PID1: variants seen among roughly 807,000 people sequenced by gnomAD.
PID1 encodes the protein phosphotyrosine interaction domain containing 1.
A neutral mutation model predicts 19.1 loss-of-function variants in PID1; 10 were observed. That is an observed-to-expected ratio of 0.52 (90% CI 0.32 to 0.89). The LOEUF is 0.89. Ranked by LOEUF, PID1 falls within the 40% of genes least tolerant of loss-of-function variation. The pLI is 0.03. For missense variants in PID1, 248 were observed against 285.3 expected (o/e 0.87, Z 0.94); for synonymous variants, 130 against 116.0 (o/e 1.12, Z -0.78).
chr2:229,263,169 T>C (rs1245244510), intron 1 of PID1, among the ~76,000 whole-genome samples: 1 of 152,212 alleles, frequency 6.6e-6, no homozygotes, highest in East Asian at 1.9e-4. Context: ...CCAATTCACA[T>C]ATGGGCATAA....
intron 2 of PID1, among the ~76,000 whole-genome samples, chr2:229,140,888 CT>C (rs1011588868): frequency 6.6e-6 from 1 of 151,788 alleles, no homozygotes; most frequent in Non-Finnish European, 1.5e-5. Context: ...AGTAGTGTTT[CT>C]TTTGTTTAAA....
intron 2 of PID1, among the ~76,000 whole-genome samples, chr2:229,049,411 A>G (rs552004647): frequency 2.6e-4 from 40 of 152,240 alleles, no homozygotes; most frequent in Non-Finnish European, 4.4e-4. Flanking sequence ...ACCACACTCC[A>G]TTGGCCAGAA....
intron 1 of PID1, among the ~76,000 whole-genome samples, chr2:229,212,293 C>T (rs578100016): frequency 6.6e-6 from 1 of 152,322 alleles, no homozygotes; most frequent in African/African-American, 2.4e-5. Flanking sequence ...TTTCAAAGAA[C>T]AACTTTTTGA....
intron 2 of PID1, among the ~76,000 whole-genome samples, chr2:229,049,695 G>T (rs1693952192): frequency 6.6e-6 from 1 of 152,150 alleles, no homozygotes; most frequent in South Asian, 2.1e-4. Flanking sequence ...GAAATCTAGA[G>T]GTTAACCTCT....
rs139694345 is a variant in PID1, at chr2:229,210,249, G to A, written c.31-54285C>T. ...AAGGCAAGGCCGGGCATGGCGGCTC[G>A]CGCCTGTAATCCCAGCACTTTGGGA... On this transcript the variant is annotated intron_variant, in intron 1 of 2. Coordinates refer to ENST00000392055, the MANE Select transcript of PID1 (RefSeq NM_001100818.2). Among the ~76,000 whole-genome samples, 174 of 151,796 alleles carry A rather than the reference G, an allele frequency of 1.1e-3. 2 individuals carry two copies. Among genetic ancestry groups the A allele is most frequent in the Admixed American group, 7.3e-3 (112 of 15,268 alleles).
intron 2 of PID1, among the ~76,000 whole-genome samples, chr2:229,148,533 G>C (rs983445367): frequency 6.6e-6 from 1 of 152,066 alleles, no homozygotes; most frequent in African/African-American, 2.4e-5. Context: ...AGATTCCTCC[G>C]GTTTTCAAAA....
intron 2 of PID1, among the ~76,000 whole-genome samples, chr2:229,139,031 GAAAGAAAGAGAAAGAAAGAAAGAA>G: frequency 1.5e-5 from 1 of 68,764 alleles, no homozygotes; most frequent in South Asian, 4.8e-4. Flanking sequence ...AAGAAAGAAA[GAAAGAAAGAGAAAGAAAGAAAGAA>G]AGAGAAAGAA....
chr2:229,239,504 G>A (rs1003140441), intron 1 of PID1, among the ~76,000 whole-genome samples: 3 of 152,014 alleles, frequency 2.0e-5, no homozygotes, highest in Non-Finnish European at 2.9e-5. Flanking sequence ...CCTCAATGTT[G>A]GCTATGTAGA....
At chr2:229,116,067 CA>C (rs902540465) in intron 2 of PID1, among the ~76,000 whole-genome samples, 6 of 148,458 alleles carry the variant, frequency 4.0e-5, no homozygotes, top group Admixed American at 6.7e-5. Flanking sequence ...ACTAAAAATA[CA>C]AAAAAAAAAT....
At chr2:229,086,910 TACAC>T (rs3083831) in intron 2 of PID1, among the ~76,000 whole-genome samples, 53 of 150,156 alleles carry the variant, frequency 3.5e-4, no homozygotes, top group East Asian at 1.4e-3. Flanking sequence ...CACACGTGTG[TACAC>T]ACACACACAC....
At chr2:229,210,162 T>C (rs1313999128) in intron 1 of PID1, among the ~76,000 whole-genome samples, 1 of 139,078 alleles carries the variant, frequency 7.2e-6, no homozygotes, top group Non-Finnish European at 1.6e-5. Flanking sequence ...AAAAGTAAAA[T>C]ATGTAAAGGA....
At chr2:229,105,535 C>G (rs1447509456) in intron 2 of PID1, among the ~76,000 whole-genome samples, 3 of 152,348 alleles carry the variant, frequency 2.0e-5, no homozygotes, top group Non-Finnish European at 2.9e-5. Context: ...ACAGCCCTTA[C>G]AATTGTTCAA....
chr2:229,103,007 T>A (rs1695104504), intron 2 of PID1, among the ~76,000 whole-genome samples: 3 of 152,178 alleles, frequency 2.0e-5, no homozygotes, highest in Admixed American at 2.0e-4. Flanking sequence ...ATTTCAGATC[T>A]TACAGGCAGG....
intron 2 of PID1, among the ~76,000 whole-genome samples, chr2:229,138,980 G>GAAGAACGAAAGAAAGAAAGA (rs1329960601): frequency 3.0e-5 from 2 of 67,024 alleles, no homozygotes; most frequent in African/African-American, 1.2e-4. Context: ...GAAAAAAATA[G>GAAGAACGAAAGAAAGAAAGA]AAGAAAGAAA....
At chr2:229,122,938 G>A (rs1253883637) in intron 2 of PID1, among the ~76,000 whole-genome samples, 1 of 152,038 alleles carries the variant, frequency 6.6e-6, no homozygotes, top group Non-Finnish European at 1.5e-5. Flanking sequence ...AACCCTCCCA[G>A]GCGGCATTAT....
intron 2 of PID1, among the ~76,000 whole-genome samples, chr2:229,047,373 G>C (rs1693904783): frequency 6.6e-6 from 1 of 152,172 alleles, no homozygotes; most frequent in African/African-American, 2.4e-5. Flanking sequence ...GGTATAGATG[G>C]TCTTTTGGTC....
At position 229,271,167 on chromosome 2, in the gene PID1, G is replaced by GGCC; in HGVS notation, c.-127_-125dup. ...TCCGCGGGATGTGCGTCCTGGCGCTGGCCACCGCCGCCGGGTGGGCGTAGG... is the reference window on the plus strand; with the variant it reads ...TCCGCGGGATGTGCGTCCTGGCGCTGGCCGCCACCGCCGCCGGGTGGGCGTAGG... On this transcript the variant is annotated 5_prime_UTR_variant, in exon 1 of 3. Transcript: ENST00000392055. 9.0e-7 allele frequency: 1 copy of GGCC among 1,108,430 alleles called. No individual in the cohort carries two copies. Among genetic ancestry groups the GGCC allele is most frequent in the East Asian group, 2.9e-5 (1 of 34,604 alleles). 68.7% of individuals were successfully genotyped at this position (1,108,430 alleles called of 1,614,324 possible).
intron 2 of PID1, among the ~76,000 whole-genome samples, chr2:229,040,817 A>T (rs186593675): frequency 3.0e-4 from 46 of 152,318 alleles, no homozygotes; most frequent in Non-Finnish European, 5.0e-4. Context: ...AGTGCCATAG[A>T]CTTACAATGC....
rs556829008 is a variant in PID1, at chr2:229,083,074, G to GA, written c.178-56967dup. 2.2e-3 allele frequency among the ~76,000 whole-genome samples: 331 copies of GA among 151,078 alleles called. 3 individuals carry two copies. Among genetic ancestry groups the GA allele is most frequent in the African/African-American group, 6.7e-3 (275 of 41,178 alleles). On this transcript the variant is annotated intron_variant, in intron 2 of 2. Coordinates refer to ENST00000392055, the MANE Select transcript of PID1 (RefSeq NM_001100818.2). ...ATTGTACATTAAGGAAAACTATAAA[G>GA]AAAAAAAAAGCACATTGAAGAATGA...
Sources: gnomAD v4.1 joint callset for allele counts (sites outside exome capture counted in the v4.1 genomes callset) on GRCh38, gnomAD v4.1.1 for gene constraint, MANE v1.5 for transcripts, NCBI Gene and HGNC (gene_info 2026-07-23, HGNC 2026-07-21) for gene names.